Variants in OTUD7B observed in about 807,000 individuals in gnomAD.
The protein encoded by OTUD7B is OTU domain-containing protein 7B.
In OTUD7B, 34 loss-of-function variants were observed where a neutral mutation model predicts 82.2. The observed-to-expected ratio is 0.41, with a 90% confidence interval of 0.31 to 0.55. The LOEUF is 0.55. OTUD7B is among the 20% of genes least tolerant of loss of function. OTUD7B has a pLI of 0.20. For synonymous variants in OTUD7B, 398 were observed against 402.7 expected (o/e 0.99, Z 0.14); for missense variants, 944 against 1,062.1 (o/e 0.89, Z 1.55).
At chr1:150,005,540 A>G (rs1354306675) in intron 1 of OTUD7B, among the ~76,000 whole-genome samples, 1 of 152,200 alleles carries the variant, frequency 6.6e-6, no homozygotes, top group Non-Finnish European at 1.5e-5. Flanking sequence ...TAATGATTAT[A>G]AAGAGGTGGG....
At chr1:149,964,893 C>A (rs1201779919) in intron 5 of OTUD7B, among the ~76,000 whole-genome samples, 2 of 135,310 alleles carry the variant, frequency 1.5e-5, no homozygotes, top group African/African-American at 5.6e-5. Flanking sequence ...CACGCCTGAC[C>A]TTTTTTTTTT....
chr1:150,063,823 T>C, the OTUD7B span, among the ~76,000 whole-genome samples: 3 of 152,232 alleles, frequency 2.0e-5, no homozygotes, highest in Admixed American at 2.0e-4. Flanking sequence ...GATGAAAATT[T>C]AACAAATTCT....
chr1:149,943,307 A>G lies in OTUD7B; in HGVS notation c.*550T>C, dbSNP rs1647387228. 6.5e-6 allele frequency: 1 copy of G among 154,636 alleles called. No individual in the cohort carries two copies. The highest frequency in any genetic ancestry group is 1.4e-5 in the Non-Finnish European group (1 of 69,546). 9.6% of individuals were successfully genotyped at this position (154,636 alleles called of 1,614,324 possible). A position where few individuals can be genotyped will look rare whatever the true frequency, so the allele number is the denominator to read the frequency against. On this transcript the variant is annotated 3_prime_UTR_variant, in exon 12 of 12. Transcript: ENST00000581312. Reference sequence around the variant, plus strand: ...TAACAGGCACCCATGAGGACACATTACTGCCTTGTCTTTCCAGATCCTTCA... The same window carrying G: ...TAACAGGCACCCATGAGGACACATTGCTGCCTTGTCTTTCCAGATCCTTCA...
chr1:150,062,129 C>T, the OTUD7B span, among the ~76,000 whole-genome samples: 75 of 152,204 alleles, frequency 4.9e-4, 1 homozygote, highest in Middle Eastern at 0.02. Flanking sequence ...GGCCCTTTCA[C>T]GGAACAAAGA....
intron 1 of OTUD7B, among the ~76,000 whole-genome samples, chr1:149,979,217 C>T (rs1650543334): frequency 6.6e-6 from 1 of 152,148 alleles, no homozygotes; most frequent in African/African-American, 2.4e-5. Context: ...ATTTCCACAT[C>T]AGCTACCAAC....
At chr1:150,033,964 C>T in the OTUD7B span, among the ~76,000 whole-genome samples, 1 of 152,120 alleles carries the variant, frequency 6.6e-6, no homozygotes, top group Non-Finnish European at 1.5e-5. Context: ...TTATGATCCG[C>T]CCACCTCAGC....
At chr1:150,004,662 A>G (rs1553785692) in intron 1 of OTUD7B, among the ~76,000 whole-genome samples, 1 of 151,778 alleles carries the variant, frequency 6.6e-6, no homozygotes, top group East Asian at 1.9e-4. Flanking sequence ...CTCTATAAAC[A>G]TAGCTCCAAA....
chr1:149,947,904 A>G (rs1553772508), intron 10 of OTUD7B, among the ~76,000 whole-genome samples: 1 of 152,120 alleles, frequency 6.6e-6, no homozygotes, highest in Admixed American at 6.6e-5. Flanking sequence ...GGGGGCTGAG[A>G]GGGTAGGGAA....
the OTUD7B span, among the ~76,000 whole-genome samples, chr1:150,063,968 T>C: frequency 6.6e-6 from 1 of 152,206 alleles, no homozygotes; most frequent in Non-Finnish European, 1.5e-5. Flanking sequence ...TTAGTATTTC[T>C]ATTATTGTAT....
the OTUD7B span, among the ~76,000 whole-genome samples, chr1:150,051,492 T>C: frequency 6.6e-6 from 1 of 152,104 alleles, no homozygotes; most frequent in African/African-American, 2.4e-5. Flanking sequence ...TGTTATTTAT[T>C]ATTATTATTA....
rs371129481 is a variant in OTUD7B at position 149,944,576 on chromosome 1, C to T, written c.1813G>A (p.Gly605Arg). Residue 605 changes from glycine to arginine, a missense_variant, in exon 12 of 12, where the codon GGG becomes AGG. Coordinates refer to ENST00000581312, the MANE Select transcript of OTUD7B (RefSeq NM_020205.4). ...SLSILRTAMQ[G>R]EGKFIFVGTL... ...CCAACAAAAATAAACTTCCCCTCCC[C>T]TTGCATGGCAGTCCTCAGAATGCTC... is the stretch of plus-strand genomic sequence containing the variant. 14 of 1,614,128 alleles carry T rather than the reference C, an allele frequency of 8.7e-6. No individual in the cohort carries two copies. The highest frequency in any genetic ancestry group is 1.3e-5 in the African/African-American group (1 of 75,026).
chr1:149,996,523 C>T (rs1370542941), intron 1 of OTUD7B, among the ~76,000 whole-genome samples: 1 of 152,164 alleles, frequency 6.6e-6, no homozygotes, highest in Non-Finnish European at 1.5e-5. Flanking sequence ...TAAATCCTAC[C>T]TGTTACTTTC....
At chr1:150,045,247 G>A in the OTUD7B span, among the ~76,000 whole-genome samples, 4 of 151,694 alleles carry the variant, frequency 2.6e-5, no homozygotes, top group African/African-American at 4.8e-5. Flanking sequence ...GTGTGCCACC[G>A]TGACCGGCTA....
the OTUD7B span, among the ~76,000 whole-genome samples, chr1:150,035,973 T>TG: frequency 6.6e-6 from 1 of 151,180 alleles, no homozygotes; most frequent in Non-Finnish European, 1.5e-5. Context: ...TTTTTTTTTT[T>TG]GAGACATTCT....
intron 1 of OTUD7B, among the ~76,000 whole-genome samples, chr1:149,990,986 C>T (rs1553781963): frequency 6.6e-5 from 2 of 30,166 alleles, no homozygotes; most frequent in Non-Finnish European, 1.2e-4. Flanking sequence ...AGCGAAACTC[C>T]GTCGCAAAAA....
At chr1:150,033,612 T>TA in the OTUD7B span, among the ~76,000 whole-genome samples, 22 of 152,332 alleles carry the variant, frequency 1.4e-4, no homozygotes, top group African/African-American at 4.6e-4. Flanking sequence ...AGTTATCATC[T>TA]ACTGCTCATT....
intron 11 of OTUD7B, among the ~76,000 whole-genome samples, chr1:149,946,736 C>T (rs587707429): frequency 7.3e-4 from 61 of 83,026 alleles, no homozygotes; most frequent in South Asian, 7.2e-3. Flanking sequence ...AGCAAGACTT[C>T]CTCTGAAAAA....
At chr1:150,004,284 G>C (rs782811498) in intron 1 of OTUD7B, among the ~76,000 whole-genome samples, 1 of 152,084 alleles carries the variant, frequency 6.6e-6, no homozygotes, top group South Asian at 2.1e-4. Flanking sequence ...AGTTGACCGG[G>C]CACGGTGGCT....
At chr1:149,984,381 T>A (rs1553780395) in intron 1 of OTUD7B, among the ~76,000 whole-genome samples, 2 of 152,210 alleles carry the variant, frequency 1.3e-5, no homozygotes, top group Non-Finnish European at 2.9e-5. Flanking sequence ...AGAAAGAGAA[T>A]GGCACTGGCT....
Sources: allele counts gnomAD v4.1 joint callset (sites outside exome capture counted in the v4.1 genomes callset), GRCh38; gene constraint gnomAD v4.1.1; transcripts MANE v1.5; gene names NCBI Gene and HGNC (gene_info 2026-07-23, HGNC 2026-07-21).